The following PRKN variants were observed in gnomAD, a reference collection of about 807,000 sequenced individuals.
PRKN encodes the protein E3 ubiquitin-protein ligase parkin.
A neutral mutation model predicts 59.5 loss-of-function variants in PRKN; 56 were observed. The observed-to-expected ratio is 0.94, with a 90% CI of 0.76 to 1.18. PRKN has a LOEUF of 1.18. Among genes scored for constraint, PRKN ranks in the 50% most tolerant of loss-of-function variants. The pLI is 0.00. For missense variants in PRKN, 657 were observed against 596.4 expected, an observed-to-expected ratio of 1.10 and a Z score of -1.06; for synonymous variants, 250 against 222.1, an observed-to-expected ratio of 1.13 and a Z score of -1.12.
At chr6:162,437,978 T>C (rs576502548) in intron 2 of PRKN, among the ~76,000 whole-genome samples, 1 of 152,240 alleles carries the variant, frequency 6.6e-6, no homozygotes, top group Non-Finnish European at 1.5e-5. Flanking sequence ...TAAATACATA[T>C]GTCATTTTTT....
Position 161,350,215 on chromosome 6 carries a change from T to TTGGGGGCAGAAAACAAAGG in PRKN, c.1286-23_1286-5dup. The TTGGGGGCAGAAAACAAAGG allele has an allele frequency of 6.2e-7, 1 of 1,608,580 alleles. No homozygotes were observed. The highest frequency in any genetic ancestry group is 8.5e-7 in the Non-Finnish European group (1 of 1,175,974). ...CACTTCATGTGCATGCAGCCTCCTG[T>TTGGGGGCAGAAAACAAAGG]TGGGGGCAGAAAACAAAGGTGTGGT... is the stretch of plus-strand genomic sequence containing the variant. On this transcript the variant is annotated splice_region_variant and splice_polypyrimidine_tract_variant and intron_variant, in intron 11 of 11. Coordinates refer to ENST00000366898, the MANE Select transcript of PRKN (RefSeq NM_004562.3).
At chr6:162,083,304 A>G (rs1779131652) in intron 4 of PRKN, among the ~76,000 whole-genome samples, 1 of 152,168 alleles carries the variant, frequency 6.6e-6, no homozygotes, top group Non-Finnish European at 1.5e-5. Flanking sequence ...AAACATTGTG[A>G]GAATTTCCAA....
chr6:162,180,019 A>G (rs1291065584), intron 4 of PRKN, among the ~76,000 whole-genome samples: 1 of 103,746 alleles, frequency 9.6e-6, no homozygotes, highest in African/African-American at 3.3e-5. Context: ...TGTGTGTAGC[A>G]AAGTCTACAT....
chr6:161,533,382 C>T lies in PRKN; in HGVS notation c.1083+15472G>A, dbSNP rs73593416. 6.6e-6 allele frequency among the ~76,000 whole-genome samples: 1 copy of T among 152,110 alleles called. No homozygotes were observed. Among genetic ancestry groups the T allele is most frequent in the Non-Finnish European group, 1.5e-5 (1 of 68,038 alleles). ...AAGAGCAGCCTGTAAAATCGACCTG[C>T]AGACACAAACAAGCATGCTGGAAGC... On this transcript the variant is annotated intron_variant, in intron 9 of 11. Transcript: ENST00000366898. This position sits in a 1 kb window ranked among gnomAD's most constrained non-coding sequence, Gnocchi z 4.1.
intron 4 of PRKN, among the ~76,000 whole-genome samples, chr6:162,098,428 T>C (rs974007271): frequency 2.6e-5 from 4 of 152,220 alleles, no homozygotes; most frequent in South Asian, 2.1e-4. Flanking sequence ...ACACTGATGG[T>C]ATGTTTCGCA....
intron 1 of PRKN, among the ~76,000 whole-genome samples, chr6:162,515,403 A>T (rs1180713862): frequency 6.6e-6 from 1 of 150,850 alleles, no homozygotes; most frequent in Non-Finnish European, 1.5e-5. Context: ...GTTACTTCTA[A>T]TGGTTTGGGA....
intron 2 of PRKN, among the ~76,000 whole-genome samples, chr6:162,427,805 C>T (rs1284462404): frequency 6.6e-6 from 1 of 151,804 alleles, no homozygotes; most frequent in Non-Finnish European, 1.5e-5. Context: ...CAGACCACGC[C>T]CAGCTAATGT....
chr6:162,553,235 G>A (rs9347660), intron 1 of PRKN, among the ~76,000 whole-genome samples: 45,131 of 151,860 alleles, frequency 0.3, 7,123 homozygotes, highest in East Asian at 0.49. Flanking sequence ...CAGCACAAGT[G>A]GAGGCCTTTG....
intron 4 of PRKN, among the ~76,000 whole-genome samples, chr6:162,099,657 A>C (rs186205143): frequency 6.6e-6 from 1 of 152,360 alleles, no homozygotes; most frequent in East Asian, 1.9e-4. Context: ...TTTTTAAATC[A>C]ACAAAAATGA....
chr6:161,649,679 G>A (rs986140959), intron 7 of PRKN, among the ~76,000 whole-genome samples: 37 of 152,208 alleles, frequency 2.4e-4, no homozygotes, highest in Non-Finnish European at 4.3e-4. Flanking sequence ...TGAATTAAAT[G>A]ACTAAAATGC....
chr6:161,718,631 C>T (rs141998493), intron 7 of PRKN, among the ~76,000 whole-genome samples: 1 of 152,046 alleles, frequency 6.6e-6, no homozygotes, highest in Non-Finnish European at 1.5e-5. Flanking sequence ...AGCCCAGTGG[C>T]CTCGGGACTA....
Position 161,584,014 on chromosome 6 carries a change from C to G in PRKN, c.872-14598G>C, listed in dbSNP as rs1015156. Reference sequence around the variant, plus strand: ...CAAAACACTCTTCAGAATTTGTCTACAAACTTAACACCACCAATCACAGTG... The same window carrying G: ...CAAAACACTCTTCAGAATTTGTCTAGAAACTTAACACCACCAATCACAGTG... On this transcript the variant is annotated intron_variant, in intron 7 of 11. Coordinates refer to ENST00000366898, the MANE Select transcript of PRKN (RefSeq NM_004562.3). The surrounding 1 kb of genome is among the most constrained non-coding windows in gnomAD (Gnocchi z 4.8). Among the ~76,000 whole-genome samples the G allele has an allele frequency of 0.028, 4,260 of 152,258 alleles. 152 individuals carry two copies. Among genetic ancestry groups the G allele is most frequent in the African/African-American group, 0.085 (3,535 of 41,520 alleles).
chr6:162,406,645 G>C (rs6924255), intron 2 of PRKN, among the ~76,000 whole-genome samples: 16,103 of 152,156 alleles, frequency 0.11, 1,074 homozygotes, highest in African/African-American at 0.19. Flanking sequence ...CTGAGGTCAA[G>C]AGTCTAATCA....
Position 162,263,383 on chromosome 6 carries a change from G to C in PRKN, c.172-618C>G, listed in dbSNP as rs146396611. On this transcript the variant is annotated intron_variant, in intron 2 of 11. Transcript: ENST00000366898. ...TAAAGCATCGGAAATGAATGCGTTTGAGTAGGCTCCACACACACCGCTCCA... is the reference window on the plus strand; with the variant it reads ...TAAAGCATCGGAAATGAATGCGTTTCAGTAGGCTCCACACACACCGCTCCA... 7.3e-4 allele frequency: 129 copies of C among 177,000 alleles called. No homozygotes were observed. The East Asian group carries it at 0.016, about 22-fold the overall frequency. 11.0% of individuals were successfully genotyped at this position (177,000 alleles called of 1,614,324 possible).
chr6:161,441,945 A>C (rs1377152457), intron 9 of PRKN, among the ~76,000 whole-genome samples: 1 of 152,086 alleles, frequency 6.6e-6, no homozygotes, highest in Non-Finnish European at 1.5e-5. Flanking sequence ...AAGTGGATAA[A>C]GCTGGCCCTG....
At chr6:162,490,943 G>A (rs1009933935) in intron 1 of PRKN, among the ~76,000 whole-genome samples, 3 of 152,100 alleles carry the variant, frequency 2.0e-5, no homozygotes, top group Non-Finnish European at 4.4e-5. Context: ...AGGCCACCCT[G>A]GCCAACATGG....
chr6:162,684,592 A>ATTTT (rs989847184), intron 1 of PRKN, among the ~76,000 whole-genome samples: 2 of 152,152 alleles, frequency 1.3e-5, no homozygotes, highest in African/African-American at 4.8e-5. Context: ...CTGATTGTCA[A>ATTTT]TGTTGCTGAT....
rs1051254145 is a variant in PRKN at position 161,560,191 on chromosome 6, C to A, written c.933+9164G>T. ...TTCTGTGTCCCCTGAAATTCCTGTT[C>A]ATGATAAACTAACTGCCCTGTATAA... On this transcript the variant is annotated intron_variant, in intron 8 of 11. Coordinates refer to ENST00000366898, the MANE Select transcript of PRKN (RefSeq NM_004562.3). This position sits in a 1 kb window ranked among gnomAD's most constrained non-coding sequence, Gnocchi z 4.9. 6.6e-6 allele frequency among the ~76,000 whole-genome samples: 1 copy of A among 152,170 alleles called. No individual in the cohort carries two copies. Among genetic ancestry groups the A allele is most frequent in the African/African-American group, 2.4e-5 (1 of 41,444 alleles).
chr6:162,677,681 T>C (rs186966270), intron 1 of PRKN, among the ~76,000 whole-genome samples: 13 of 152,248 alleles, frequency 8.5e-5, no homozygotes, highest in African/African-American at 3.1e-4. Context: ...TAGTATGTAA[T>C]GCAATTGTCA....
Sources: allele counts gnomAD v4.1 joint callset (sites outside exome capture counted in the v4.1 genomes callset), GRCh38; gene constraint gnomAD v4.1.1; non-coding constraint Gnocchi (gnomAD v3.1); transcripts MANE v1.5; gene names NCBI Gene and HGNC (gene_info 2026-07-23, HGNC 2026-07-21).